CACNA2D1: variants seen among roughly 807,000 people sequenced by gnomAD.
CACNA2D1 encodes the protein calcium voltage-gated channel auxiliary subunit alpha2delta 1, also known as voltage-dependent calcium channel subunit alpha-2/delta-1.
A neutral mutation model predicts 171.5 loss-of-function variants in CACNA2D1; 53 were observed. The observed-to-expected ratio is 0.31, with a 90% CI of 0.25 to 0.39. CACNA2D1 has a LOEUF of 0.39. Among genes scored for constraint, CACNA2D1 ranks in the 10% least tolerant of loss-of-function variants. The probability of loss-of-function intolerance (pLI) is 1.00; values close to 1 mark genes in which losing one functional copy is unlikely to be tolerated. For synonymous variants in CACNA2D1, 442 were observed against 443.1 expected (o/e 1.00, Z 0.03); for missense variants, 903 against 1,299.8 (o/e 0.69, Z 4.69).
intron 6 of CACNA2D1, among the ~76,000 whole-genome samples, chr7:82,087,549 T>C (rs1451394960): frequency 8.5e-6 from 1 of 117,912 alleles, no homozygotes; most frequent in African/African-American, 3.1e-5. Flanking sequence ...TCAAATAATA[T>C]TGAAAGCAGC....
chr7:82,301,114 T>A (rs1208947101), intron 3 of CACNA2D1, among the ~76,000 whole-genome samples: 1 of 152,180 alleles, frequency 6.6e-6, no homozygotes, highest in African/African-American at 2.4e-5. Flanking sequence ...TATCTTTTTT[T>A]AATTTATTTT....
In CACNA2D1 at chr7:81,969,905, C is replaced by G. The variant is rs759061453; in HGVS notation, c.2284G>C (p.Val762Leu). 2 of 1,602,970 alleles carry G rather than the reference C, an allele frequency of 1.2e-6. No individual in the cohort carries two copies. The highest frequency in any genetic ancestry group is 2.7e-5 in the African/African-American group (2 of 74,538). The change falls in exon 28 of 39, where the codon GTT becomes CTT. Residue 762 changes from valine (V) to leucine (L), a missense_variant. Val to Leu is a conservative substitution (Grantham distance 32). This residue lies in a region of CACNA2D1 where 623 missense variants were observed against 925.5 expected (regional missense o/e 0.67). Coordinates refer to ENST00000356860, the MANE Select transcript of CACNA2D1 (RefSeq NM_000722.4). Reference sequence around the variant, plus strand: ...CTGTTAAAGTAGGGAGCAGTGAAAACATAGTTATCATTATCTAGGCTCCTT... The same window carrying G: ...CTGTTAAAGTAGGGAGCAGTGAAAAGATAGTTATCATTATCTAGGCTCCTT... ...YKRSLDNDNY[V>L]FTAPYFNKSG...
chr7:82,120,874 C>CAAAAA (rs749679830), intron 5 of CACNA2D1, among the ~76,000 whole-genome samples: 1 of 104,602 alleles, frequency 9.6e-6, no homozygotes, highest in African/African-American at 3.6e-5. Flanking sequence ...GACTCTATCT[C>CAAAAA]AAAAAAAAAA....
intron 3 of CACNA2D1, among the ~76,000 whole-genome samples, chr7:82,296,995 G>A (rs1272584546): frequency 1.3e-5 from 2 of 150,310 alleles, no homozygotes; most frequent in Non-Finnish European, 2.9e-5. Context: ...AGCATTATGG[G>A]AGGCGGAGGT....
At chr7:82,048,358 T>C (rs897782244) in intron 10 of CACNA2D1, among the ~76,000 whole-genome samples, 4 of 152,098 alleles carry the variant, frequency 2.6e-5, no homozygotes, top group Non-Finnish European at 5.9e-5. Flanking sequence ...GCAATAAACA[T>C]GGATTACTGA....
At chr7:82,181,718 A>T (rs996527013) in intron 3 of CACNA2D1, among the ~76,000 whole-genome samples, 2 of 152,226 alleles carry the variant, frequency 1.3e-5, no homozygotes, top group African/African-American at 4.8e-5. Context: ...TGAAAAAATA[A>T]ACCTTGTAAA....
At chr7:82,288,633 G>A (rs1811148239) in intron 3 of CACNA2D1, among the ~76,000 whole-genome samples, 1 of 152,146 alleles carries the variant, frequency 6.6e-6, no homozygotes, top group Non-Finnish European at 1.5e-5. Flanking sequence ...TGCTAATTGA[G>A]CAGGTTTTCT....
intron 1 of CACNA2D1, among the ~76,000 whole-genome samples, chr7:82,422,368 G>A (rs1440273646): frequency 6.6e-6 from 1 of 151,972 alleles, no homozygotes; most frequent in African/African-American, 2.4e-5. Context: ...TATCAATAAC[G>A]TATTTGTTGT....
intron 2 of CACNA2D1, among the ~76,000 whole-genome samples, chr7:82,345,297 G>A (rs1043834924): frequency 1.3e-5 from 2 of 152,108 alleles, no homozygotes; most frequent in African/African-American, 2.4e-5. Flanking sequence ...GTAGCATATT[G>A]AAATGTAAAG....
chr7:82,014,843 C>T (rs1356667741), intron 12 of CACNA2D1, among the ~76,000 whole-genome samples: 1 of 152,114 alleles, frequency 6.6e-6, no homozygotes, highest in African/African-American at 2.4e-5. Context: ...CACCTGAGGT[C>T]AGGAGTTCGA....
At chr7:82,344,300 A>G (rs1819006018) in intron 2 of CACNA2D1, among the ~76,000 whole-genome samples, 1 of 152,204 alleles carries the variant, frequency 6.6e-6, no homozygotes, top group South Asian at 2.1e-4. Flanking sequence ...GATAATCAGA[A>G]GTATTTCCAA....
At chr7:82,192,852 T>C (rs997296853) in intron 3 of CACNA2D1, among the ~76,000 whole-genome samples, 1 of 151,496 alleles carries the variant, frequency 6.6e-6, no homozygotes, top group Non-Finnish European at 1.5e-5. Flanking sequence ...TACTTTGAGA[T>C]TGCTCCAGAA....
intron 3 of CACNA2D1, among the ~76,000 whole-genome samples, chr7:82,334,727 G>A (rs1163071417): frequency 6.6e-6 from 1 of 152,086 alleles, no homozygotes; most frequent in Non-Finnish European, 1.5e-5. Context: ...GCCACCTCTA[G>A]CAGAGAGGAA....
chr7:82,335,762 T>C (rs1021515427), intron 2 of CACNA2D1, among the ~76,000 whole-genome samples: 6 of 152,172 alleles, frequency 3.9e-5, no homozygotes, highest in African/African-American at 1.4e-4. Flanking sequence ...AGTTCACATA[T>C]AGAAGAGATG....
At chr7:82,407,935 T>A (rs1290464883) in intron 1 of CACNA2D1, among the ~76,000 whole-genome samples, 2 of 152,118 alleles carry the variant, frequency 1.3e-5, no homozygotes, top group African/African-American at 4.8e-5. Context: ...ATATTCCTCC[T>A]TCAATAATCT....
chr7:82,342,323 T>G lies in CACNA2D1; in HGVS notation c.178-7072A>C, dbSNP rs538254500. ...TAAATCTCAAGAAGACAAAGATTTT[T>G]GTCTGTTTTGTTCACTGGTACGTAA... On this transcript the variant is annotated intron_variant, in intron 2 of 38. Transcript: ENST00000356860. 2.6e-5 allele frequency among the ~76,000 whole-genome samples: 4 copies of G among 152,306 alleles called. No individual in the cohort carries two copies. The South Asian group carries it at 8.3e-4, about 32-fold the overall frequency.
Position 81,983,302 on chromosome 7 carries a change from G to A in CACNA2D1, c.1894+12C>T. The A allele has an allele frequency of 6.2e-7, 1 of 1,606,880 alleles. No homozygotes were observed. The highest frequency in any genetic ancestry group is 1.7e-5 in the Admixed American group (1 of 59,822). ...TAAACAGAAAGAAGTTGAGCAACAA[G>A]AAAATACTTGCCCTTCATTTTGCCC... On this transcript the variant is annotated intron_variant, in intron 23 of 38. Transcript: ENST00000356860.
intron 1 of CACNA2D1, among the ~76,000 whole-genome samples, chr7:82,363,731 T>G (rs778527351): frequency 1.5e-4 from 23 of 152,222 alleles, no homozygotes; most frequent in Non-Finnish European, 1.9e-4. Flanking sequence ...ACATATGTTT[T>G]GGATAAATAC....
intron 10 of CACNA2D1, among the ~76,000 whole-genome samples, chr7:82,041,506 A>G (rs1803963312): frequency 6.6e-6 from 1 of 152,182 alleles, no homozygotes; most frequent in South Asian, 2.1e-4. Flanking sequence ...AGGCTTAGAG[A>G]AAAGAAAAAA....
Sources: allele counts gnomAD v4.1 joint callset (sites outside exome capture counted in the v4.1 genomes callset), GRCh38; gene constraint gnomAD v4.1.1; regional missense constraint gnomAD v4.1.1; transcripts MANE v1.5; gene names NCBI Gene and HGNC (gene_info 2026-07-23, HGNC 2026-07-21).